Variants in MYO10 observed in about 807,000 individuals in gnomAD.
The protein encoded by MYO10 is myosin X, also known as unconventional myosin-X.
In MYO10, 133 loss-of-function variants were observed where a neutral mutation model predicts 257.3. The observed-to-expected ratio is 0.52, with a 90% CI of 0.45 to 0.60. The LOEUF is 0.60. Ranked by LOEUF, MYO10 falls within the 20% of genes least tolerant of loss-of-function variation. The probability of loss-of-function intolerance (pLI) is 0.00; values close to 1 mark genes in which losing one functional copy is unlikely to be tolerated. For missense variants in MYO10, 2,399 were observed against 2,635.7 expected (o/e 0.91, Z 1.97); for synonymous variants, 1,104 against 1,028.6 (o/e 1.07, Z -1.40).
chr5:16,694,720 GC>G, intron 26 of MYO10, 106 bp from the exon 27 acceptor site: 1 of 1,435,560 alleles, frequency 7.0e-7, no homozygotes, highest in Non-Finnish European at 9.5e-7. Context: ...CTTAGACTCT[GC>G]CCCAGCCGCA....
At chr5:16,883,447 C>G (rs1464136894) in intron 1 of MYO10, among the ~76,000 whole-genome samples, 1 of 152,174 alleles carries the variant, frequency 6.6e-6, no homozygotes, top group Non-Finnish European at 1.5e-5. Context: ...ACAGACCACG[C>G]AGGAGACTTG....
intron 1 of MYO10, among the ~76,000 whole-genome samples, chr5:16,909,830 G>A (rs1745614011): frequency 6.6e-6 from 1 of 152,138 alleles, no homozygotes; most frequent in Admixed American, 6.6e-5. Flanking sequence ...TTCTTACAGG[G>A]AAGAGTGAAT....
At chr5:16,706,540 AG>A (rs1738352879) in intron 21 of MYO10, among the ~76,000 whole-genome samples, 1 of 152,180 alleles carries the variant, frequency 6.6e-6, no homozygotes, top group Non-Finnish European at 1.5e-5. Flanking sequence ...AGTGCTTAAA[AG>A]GAAAAATAAC....
At chr5:16,752,556 G>A (rs1480177221) in intron 19 of MYO10, among the ~76,000 whole-genome samples, 1 of 152,226 alleles carries the variant, frequency 6.6e-6, no homozygotes, top group Non-Finnish European at 1.5e-5. Flanking sequence ...AAAGTGCTGG[G>A]ATTACAGGCG....
intron 3 of MYO10, among the ~76,000 whole-genome samples, chr5:16,798,617 G>A (rs776013981): frequency 6.6e-6 from 1 of 152,194 alleles, no homozygotes; most frequent in African/African-American, 2.4e-5. Flanking sequence ...TTGAGGCTGT[G>A]AGTGCCTGGC....
At chr5:16,812,089 C>T (rs1742458506) in intron 3 of MYO10, among the ~76,000 whole-genome samples, 1 of 152,156 alleles carries the variant, frequency 6.6e-6, no homozygotes, top group Non-Finnish European at 1.5e-5. Context: ...GAGAGCCAAC[C>T]CCCTCTCCTC....
At chr5:16,795,729 G>A (rs914675657) in intron 3 of MYO10, among the ~76,000 whole-genome samples, 5 of 151,682 alleles carry the variant, frequency 3.3e-5, no homozygotes, top group African/African-American at 7.3e-5. Context: ...GGCTAGTCTC[G>A]AACTCCTGGT....
At chr5:16,675,515 G>A (rs1736684140) in intron 34 of MYO10, among the ~76,000 whole-genome samples, 1 of 152,076 alleles carries the variant, frequency 6.6e-6, no homozygotes, top group Non-Finnish European at 1.5e-5. Flanking sequence ...AGGCAGGTGG[G>A]TCACTTCAGG....
chr5:16,700,297 C>G (rs1737983489), intron 25 of MYO10, among the ~76,000 whole-genome samples: 1 of 152,184 alleles, frequency 6.6e-6, no homozygotes, highest in East Asian at 1.9e-4. Flanking sequence ...TTTCCTAACG[C>G]AGCACGGCAA....
At chr5:16,935,099 C>A (rs73757207) in intron 1 of MYO10, among the ~76,000 whole-genome samples, 1 of 152,332 alleles carries the variant, frequency 6.6e-6, no homozygotes, top group South Asian at 2.1e-4. Flanking sequence ...CCACCCTCAA[C>A]GACCCTAAAG....
rs753278877 is a variant in MYO10, at chr5:16,673,727, G to A, written c.5127C>T (p.Gly1709=). 11 of 1,613,804 alleles carry A rather than the reference G, an allele frequency of 6.8e-6. No individual in the cohort carries two copies. Among genetic ancestry groups the A allele is most frequent in the African/African-American group, 2.7e-5 (2 of 74,888 alleles). ...AGTTGATGGTGATCTTGCAGGAGCCGCCGCCATGGCAATAGACCGTGGATG... is the reference window on the plus strand; with the variant it reads ...AGTTGATGGTGATCTTGCAGGAGCCACCGCCATGGCAATAGACCGTGGATG... The part of the protein sequence containing the change: ...EMTSTVYCHG[G]GSCKITINSH... The change falls in exon 36 of 41, where the codon GGC becomes GGT. Residue 1709 remains glycine, a synonymous_variant. Coordinates refer to ENST00000513610, the MANE Select transcript of MYO10 (RefSeq NM_012334.3).
chr5:16,863,148 GA>G (rs1295955702), intron 2 of MYO10, among the ~76,000 whole-genome samples: 34 of 152,318 alleles, frequency 2.2e-4, no homozygotes, highest in African/African-American at 7.5e-4. Context: ...AGGAGAACAG[GA>G]AACCAAAGAA....
intron 9 of MYO10, among the ~76,000 whole-genome samples, chr5:16,770,334 T>A (rs1331941770): frequency 2.0e-5 from 3 of 152,230 alleles, no homozygotes; most frequent in African/African-American, 2.4e-5. Flanking sequence ...TATTTTTAAT[T>A]TCTCCAAAGG....
chr5:16,727,211 C>T (rs763350357), intron 19 of MYO10, among the ~76,000 whole-genome samples: 3 of 152,030 alleles, frequency 2.0e-5, no homozygotes, highest in Non-Finnish European at 4.4e-5. Context: ...TTTTACACTT[C>T]TAAATGTGGC....
intron 2 of MYO10, among the ~76,000 whole-genome samples, chr5:16,827,000 C>A (rs950808384): frequency 1.3e-5 from 2 of 152,152 alleles, no homozygotes; most frequent in Non-Finnish European, 2.9e-5. Flanking sequence ...ACTTTTATGG[C>A]GTTCCTTTGC....
chr5:16,825,305 T>C (rs1742968674), intron 2 of MYO10, among the ~76,000 whole-genome samples: 1 of 152,216 alleles, frequency 6.6e-6, no homozygotes, highest in African/African-American at 2.4e-5. Context: ...GTGTCCTCAT[T>C]GCTCCTTATG....
chr5:16,711,256 C>CA lies in MYO10; in HGVS notation c.1930-12dup, dbSNP rs3214558. On this transcript the variant is annotated splice_polypyrimidine_tract_variant and intron_variant, in intron 19 of 40. Coordinates refer to ENST00000513610, the MANE Select transcript of MYO10 (RefSeq NM_012334.3). ...AAACTGGTCTGGCATCTAAACCATG[C>CA]AAAAAAAAAAGATGGGATACCATTA... 511 of 1,528,402 alleles carry CA rather than the reference C, an allele frequency of 3.3e-4. No individual in the cohort carries two copies. The highest frequency in any genetic ancestry group is 1.1e-3 in the South Asian group (93 of 81,314). 94.7% of individuals were successfully genotyped at this position (1,528,402 alleles called of 1,614,324 possible). A position where few individuals can be genotyped will look rare whatever the true frequency, so the allele number is the denominator to read the frequency against.
At chr5:16,898,335 C>T (rs114253807) in intron 1 of MYO10, among the ~76,000 whole-genome samples, 1,832 of 151,488 alleles carry the variant, frequency 0.012, 43 homozygotes, top group African/African-American at 0.042. Context: ...ATTACCGTTT[C>T]AAAATGTCAT....
intron 4 of MYO10, among the ~76,000 whole-genome samples, chr5:16,793,070 G>C (rs895419868): frequency 1.3e-5 from 2 of 152,152 alleles, no homozygotes; most frequent in Admixed American, 6.5e-5. Context: ...ACAAGACTGT[G>C]GCTCCTCAGT....
Sources: gnomAD v4.1 joint callset for allele counts (sites outside exome capture counted in the v4.1 genomes callset) on GRCh38, gnomAD v4.1.1 for gene constraint, MANE v1.5 for transcripts, NCBI Gene and HGNC (gene_info 2026-07-23, HGNC 2026-07-21) for gene names.